AGBL4: variants seen among roughly 807,000 people sequenced by gnomAD.
AGBL4 encodes the protein AGBL carboxypeptidase 4.
AGBL4 carries 58 observed loss-of-function variants against 66.4 expected under a neutral mutation model. The observed-to-expected ratio is 0.87, with a 90% CI of 0.71 to 1.09. AGBL4 has a LOEUF of 1.09. Ranked by LOEUF, AGBL4 falls within the 50% of genes least tolerant of loss-of-function variation. AGBL4 has a pLI of 0.00. For missense variants in AGBL4, 579 were observed against 631.0 expected (o/e 0.92, Z 0.88); for synonymous variants, 234 against 222.9 (o/e 1.05, Z -0.44).
chr1:48,932,516 T>C (rs950625020), intron 5 of AGBL4, among the ~76,000 whole-genome samples: 1 of 152,192 alleles, frequency 6.6e-6, no homozygotes, highest in Non-Finnish European at 1.5e-5. Context: ...TTTTTCTTTT[T>C]GCAGACTTGC....
intron 5 of AGBL4, among the ~76,000 whole-genome samples, chr1:48,896,831 G>GA (rs894847787): frequency 4.6e-5 from 7 of 151,198 alleles, no homozygotes; most frequent in Non-Finnish European, 1.0e-4. Flanking sequence ...ACTAATACTT[G>GA]AAAAAAAGCA....
chr1:49,244,287 C>CTA (rs1335779122), intron 4 of AGBL4, among the ~76,000 whole-genome samples: 2 of 151,694 alleles, frequency 1.3e-5, no homozygotes, highest in Non-Finnish European at 3.0e-5. Context: ...TAGTACTAAT[C>CTA]TATATATATG....
Position 48,736,695 on chromosome 1 carries a change from C to CT in AGBL4, c.635-73455_635-73454insA, listed in dbSNP as rs1359129134. ...CTTCATGGCAATTGTGGATAGAAGG[C>CT]ATTATAACACCATTTTCCTTTCAGA... On this transcript the variant is annotated intron_variant, in intron 6 of 13. Coordinates refer to ENST00000371839, the MANE Select transcript of AGBL4 (RefSeq NM_032785.4). This position sits in a 1 kb window ranked among gnomAD's most constrained non-coding sequence, Gnocchi z 4.0. Among the ~76,000 whole-genome samples, 2 of 152,160 alleles carry CT rather than the reference C, an allele frequency of 1.3e-5. No individual in the cohort carries two copies. The highest frequency in any genetic ancestry group is 4.8e-5 in the African/African-American group (2 of 41,428).
intron 6 of AGBL4, among the ~76,000 whole-genome samples, chr1:48,708,882 T>C (rs1038474796): frequency 6.6e-6 from 1 of 152,214 alleles, no homozygotes; most frequent in South Asian, 2.1e-4. Context: ...CTCCAGCCTT[T>C]CCTGCATACT....
chr1:49,694,456 G>T (rs944012437), intron 3 of AGBL4, among the ~76,000 whole-genome samples: 1 of 152,084 alleles, frequency 6.6e-6, no homozygotes, highest in African/African-American at 2.4e-5. Context: ...GAAAGAGGCT[G>T]ATAAAAGCAT....
chr1:49,142,208 T>C (rs1646131316), intron 4 of AGBL4, among the ~76,000 whole-genome samples: 1 of 152,198 alleles, frequency 6.6e-6, no homozygotes, highest in Admixed American at 6.5e-5. Flanking sequence ...TCCCACCTCC[T>C]GTTTCTGGTC....
chr1:49,111,041 AC>A (rs1645396326), intron 4 of AGBL4, among the ~76,000 whole-genome samples: 1 of 151,666 alleles, frequency 6.6e-6, no homozygotes, highest in Non-Finnish European at 1.5e-5. Context: ...AGATTTCAAG[AC>A]CTATCTGACT....
At chr1:49,809,671 T>C (rs1223753604) in intron 2 of AGBL4, among the ~76,000 whole-genome samples, 1 of 152,158 alleles carries the variant, frequency 6.6e-6, no homozygotes, top group Non-Finnish European at 1.5e-5. Context: ...TAATTGTTCT[T>C]ACCACAATAA....
chr1:48,997,432 G>A (rs925103823), intron 5 of AGBL4, among the ~76,000 whole-genome samples: 4 of 152,096 alleles, frequency 2.6e-5, no homozygotes, highest in African/African-American at 9.7e-5. Context: ...TCTCTTTTAA[G>A]AATGAGATAA....
chr1:48,760,066 G>A (rs936022659), intron 6 of AGBL4, among the ~76,000 whole-genome samples: 12 of 152,320 alleles, frequency 7.9e-5, no homozygotes, highest in Non-Finnish European at 1.6e-4. Context: ...TACAAACAGA[G>A]CCAAAACCAG....
intron 11 of AGBL4, among the ~76,000 whole-genome samples, chr1:48,543,579 G>A (rs902548215): frequency 6.6e-6 from 1 of 152,214 alleles, no homozygotes; most frequent in South Asian, 2.1e-4. Context: ...GCTTGCATTT[G>A]CAGGATTGTT....
intron 6 of AGBL4, among the ~76,000 whole-genome samples, chr1:48,691,540 A>G (rs1570267086): frequency 6.6e-6 from 1 of 152,222 alleles, no homozygotes; most frequent in East Asian, 1.9e-4. Flanking sequence ...ATGTTCGCTC[A>G]GGGAGGTACT....
chr1:49,063,947 T>C (rs533411311), intron 4 of AGBL4, among the ~76,000 whole-genome samples: 2 of 152,332 alleles, frequency 1.3e-5, no homozygotes, highest in South Asian at 2.1e-4. Flanking sequence ...AGAAGAGAGA[T>C]ATTAGAGGCT....
chr1:49,459,313 T>A (rs1197846272), intron 3 of AGBL4, among the ~76,000 whole-genome samples: 2 of 151,778 alleles, frequency 1.3e-5, no homozygotes, highest in African/African-American at 4.8e-5. Flanking sequence ...AGTTTCTATA[T>A]CTTCCTGGTT....
At chr1:49,657,148 C>A (rs1256651445) in intron 3 of AGBL4, among the ~76,000 whole-genome samples, 7 of 152,202 alleles carry the variant, frequency 4.6e-5, no homozygotes, top group Admixed American at 2.6e-4. Context: ...TGATAAGCAG[C>A]TTCAGCAAAG....
downstream of AGBL4, among the ~76,000 whole-genome samples, chr1:48,528,942 G>A (rs1643892826): frequency 6.6e-6 from 1 of 151,988 alleles, no homozygotes; most frequent in South Asian, 2.1e-4. Context: ...AGCCTCACAT[G>A]AGGCTGGGTG....
At chr1:48,731,211 G>A (rs1212087544) in intron 6 of AGBL4, among the ~76,000 whole-genome samples, 1 of 152,032 alleles carries the variant, frequency 6.6e-6, no homozygotes, top group Non-Finnish European at 1.5e-5. Context: ...CAAATAATTA[G>A]GCTAAAAACA....
At chr1:50,017,204 G>T (rs932446664) in intron 1 of AGBL4, 1 of 151,906 alleles carries the variant, frequency 6.6e-6, no homozygotes, top group African/African-American at 2.4e-5. Flanking sequence ...TCTGGACAAT[G>T]AACAATAATA....
At position 49,207,869 on chromosome 1, in the gene AGBL4, C is replaced by T. The variant is rs1381043594; in HGVS notation, c.377+37901G>A. 2.6e-5 allele frequency among the ~76,000 whole-genome samples: 4 copies of T among 152,062 alleles called. No individual in the cohort carries two copies. The East Asian group carries it at 5.8e-4, about 22-fold the overall frequency. On this transcript the variant is annotated intron_variant, in intron 4 of 13. Coordinates refer to ENST00000371839, the MANE Select transcript of AGBL4 (RefSeq NM_032785.4). ...TCCCAAAGTGCTGAGTTACTCCACT[C>T]AACCTCATTCCTGCTCTTGATTCTT...
Sources: gnomAD v4.1 joint callset for allele counts (sites outside exome capture counted in the v4.1 genomes callset) on GRCh38, gnomAD v4.1.1 for gene constraint, Gnocchi (gnomAD v3.1) non-coding constraint, MANE v1.5 for transcripts, NCBI Gene and HGNC (gene_info 2026-07-23, HGNC 2026-07-21) for gene names.